The following DEPDC1B variants were observed in gnomAD, a reference collection of about 807,000 sequenced individuals.
DEPDC1B encodes the protein DEP domain containing 1B.
Under a neutral mutation model 66.5 loss-of-function variants are expected in DEPDC1B, and 51 were observed. The ratio of observed to expected loss-of-function variants is 0.77; its 90% CI spans 0.61 to 0.97. The LOEUF is 0.97. Among genes scored for constraint, DEPDC1B ranks in the 50% least tolerant of loss-of-function variants. The probability of loss-of-function intolerance (pLI) is 0.00; values close to 1 mark genes in which losing one functional copy is unlikely to be tolerated. For missense variants in DEPDC1B, 552 were observed against 637.1 expected (o/e 0.87, Z 1.44); for synonymous variants, 226 against 223.6 (o/e 1.01, Z -0.10).
chr5:60,616,064 G>C (rs1752546568), intron 7 of DEPDC1B, among the ~76,000 whole-genome samples: 1 of 152,182 alleles, frequency 6.6e-6, no homozygotes, highest in South Asian at 2.1e-4. Flanking sequence ...AACACCAACA[G>C]ACCTGCAGCT....
intron 2 of DEPDC1B, among the ~76,000 whole-genome samples, chr5:60,686,140 T>C (rs540316668): frequency 6.6e-6 from 1 of 152,344 alleles, no homozygotes; most frequent in Admixed American, 6.5e-5. Flanking sequence ...TGCAAAGCCA[T>C]GTGTCCCAGT....
chr5:60,699,443 G>GAAAAAAAAAAAAAAAAAAAAA lies in DEPDC1B; in HGVS notation c.48+602_48+603insTTTTTTTTTTTTTTTTTTTTT, dbSNP rs528758437. Among the ~76,000 whole-genome samples the GAAAAAAAAAAAAAAAAAAAAA allele has an allele frequency of 1.6e-4, 14 of 89,362 alleles. 2 individuals are homozygous for GAAAAAAAAAAAAAAAAAAAAA. The highest frequency in any genetic ancestry group is 2.2e-4 in the African/African-American group (4 of 18,190). The allele number at this position is 89,362 out of a possible 152,430, so 58.6% of individuals were successfully genotyped here. A position where few individuals can be genotyped will look rare whatever the true frequency, so the allele number is the denominator to read the frequency against. ...CCTCAATACCAAAGCTTTTCTCCCAGAAAAAAAAAAAAAAAAAAACAGGAA... is the reference window on the plus strand; with the variant it reads ...CCTCAATACCAAAGCTTTTCTCCCAGAAAAAAAAAAAAAAAAAAAAAAAAAAAAAAAAAAAAAAAACAGGAA... On this transcript the variant is annotated intron_variant, in intron 1 of 10. Transcript: ENST00000265036.
At chr5:60,625,125 T>C (rs188790467) in intron 7 of DEPDC1B, among the ~76,000 whole-genome samples, 1 of 152,324 alleles carries the variant, frequency 6.6e-6, no homozygotes, top group Non-Finnish European at 1.5e-5. Flanking sequence ...TGTGCTACAT[T>C]GTCTTCATCC....
At chr5:60,681,416 TA>T (rs1201765201) in intron 2 of DEPDC1B, among the ~76,000 whole-genome samples, 1 of 152,044 alleles carries the variant, frequency 6.6e-6, no homozygotes, top group Non-Finnish European at 1.5e-5. Flanking sequence ...GCCAAAGAAA[TA>T]ATAGAGACTA....
chr5:60,608,391 C>G (rs924632922), intron 7 of DEPDC1B, among the ~76,000 whole-genome samples: 2 of 150,820 alleles, frequency 1.3e-5, no homozygotes, highest in African/African-American at 4.9e-5. Context: ...TAGTATAATA[C>G]AAGGCAAACA....
rs1404012663 is a variant in DEPDC1B at position 60,660,279 on chromosome 5, AGAGAG to A, written c.315-12751_315-12747del. Among the ~76,000 whole-genome samples, 8 of 147,858 alleles carry A rather than the reference AGAGAG, an allele frequency of 5.4e-5. No individual in the cohort carries two copies. In the Middle Eastern group the frequency reaches 0.01, roughly 190 times the overall value. ...AGAGGAGAGAGACAGAGAGAGAGACAGAGAGGAGAGAGAAAGAGACAGGAGAGAGA... is the reference window on the plus strand; with the variant it reads ...AGAGGAGAGAGACAGAGAGAGAGACAGAGAGAGAAAGAGACAGGAGAGAGA... On this transcript the variant is annotated intron_variant, in intron 2 of 10. Coordinates refer to ENST00000265036, the MANE Select transcript of DEPDC1B (RefSeq NM_018369.3).
At chr5:60,645,355 G>T in intron 4 of DEPDC1B, 137 bp downstream of exon 4, 2 of 817,952 alleles carry the variant, frequency 2.4e-6, no homozygotes, top group Non-Finnish European at 3.6e-6. Flanking sequence ...AACTATGTTT[G>T]CTGATCACAA....
intron 1 of DEPDC1B, among the ~76,000 whole-genome samples, chr5:60,692,989 G>C (rs1233084008): frequency 6.6e-6 from 1 of 152,142 alleles, no homozygotes; most frequent in Admixed American, 6.6e-5. Context: ...TCATAAGGAG[G>C]TAGGGACCAA....
At chr5:60,653,583 C>G (rs1753506365) in intron 2 of DEPDC1B, among the ~76,000 whole-genome samples, 1 of 151,172 alleles carries the variant, frequency 6.6e-6, no homozygotes, top group Non-Finnish European at 1.5e-5. Flanking sequence ...ATTTCTTTTG[C>G]TATGCAGAAG....
intron 2 of DEPDC1B, among the ~76,000 whole-genome samples, chr5:60,654,337 T>G (rs1263467203): frequency 6.7e-6 from 1 of 148,628 alleles, no homozygotes; most frequent in Non-Finnish European, 1.5e-5. Context: ...ATTAGGTATA[T>G]TCCCTAAGTT....
At chr5:60,604,977 G>A (rs923433880) in intron 8 of DEPDC1B, among the ~76,000 whole-genome samples, 9 of 152,136 alleles carry the variant, frequency 5.9e-5, no homozygotes, top group Admixed American at 1.3e-4. Flanking sequence ...GGGAGTACAC[G>A]GTGTTTTAAC....
chr5:60,626,721 A>G (rs1752816824), intron 7 of DEPDC1B, among the ~76,000 whole-genome samples: 1 of 152,142 alleles, frequency 6.6e-6, no homozygotes, highest in Admixed American at 6.5e-5. Flanking sequence ...TCTTTTTTTA[A>G]TGTTATTCTA....
chr5:60,615,368 A>C (rs1752521171), intron 7 of DEPDC1B, among the ~76,000 whole-genome samples: 1 of 152,206 alleles, frequency 6.6e-6, no homozygotes, highest in African/African-American at 2.4e-5. Flanking sequence ...CCTGGGAAGC[A>C]CAAGGGGTCA....
At chr5:60,606,870 G>C (rs1320971202) in intron 7 of DEPDC1B, among the ~76,000 whole-genome samples, 1 of 151,704 alleles carries the variant, frequency 6.6e-6, no homozygotes, top group Non-Finnish European at 1.5e-5. Flanking sequence ...CCTCTAATGA[G>C]GTAAAACTGC....
intron 10 of DEPDC1B, 128 bp downstream of exon 10, chr5:60,598,947 G>A (rs1752147935): frequency 5.5e-6 from 4 of 722,718 alleles, no homozygotes; most frequent in Admixed American, 3.4e-5. Flanking sequence ...TAGAATGTAT[G>A]AACTAATATA....
intron 2 of DEPDC1B, chr5:60,648,076 C>T (rs982315968): frequency 6.6e-6 from 1 of 152,130 alleles, no homozygotes; most frequent in Non-Finnish European, 1.5e-5. Context: ...GAATGTGTCA[C>T]CTCAAAACAT....
At chr5:60,667,234 G>T in intron 2 of DEPDC1B, among the ~76,000 whole-genome samples, 1 of 151,986 alleles carries the variant, frequency 6.6e-6, no homozygotes. Context: ...GGAAAAGACT[G>T]ATAGATTCAA....
intron 1 of DEPDC1B, chr5:60,688,934 T>C: frequency 2.3e-6 from 1 of 433,582 alleles, no homozygotes; most frequent in South Asian, 1.7e-5. Flanking sequence ...CCTCGTTTTG[T>C]CAAATCAAGT....
intron 7 of DEPDC1B, among the ~76,000 whole-genome samples, chr5:60,620,347 C>A (rs1752672992): frequency 6.6e-6 from 1 of 152,160 alleles, no homozygotes; most frequent in South Asian, 2.1e-4. Flanking sequence ...TCAGAGTGAA[C>A]AAGCAACCTA....
Sources: gnomAD v4.1 joint callset for allele counts (sites outside exome capture counted in the v4.1 genomes callset) on GRCh38, gnomAD v4.1.1 for gene constraint, MANE v1.5 for transcripts, NCBI Gene and HGNC (gene_info 2026-07-23, HGNC 2026-07-21) for gene names.